The following PDE4D variants were observed in gnomAD, a reference collection of about 807,000 sequenced individuals.
PDE4D encodes the protein phosphodiesterase 4D.
PDE4D carries 24 observed loss-of-function variants against 87.4 expected under a neutral mutation model. That is an observed-to-expected ratio of 0.27 (90% CI 0.20 to 0.39). The LOEUF (loss-of-function observed/expected upper bound fraction) is 0.39, where lower values mean the gene tolerates loss of function less well. PDE4D is among the 10% of genes least tolerant of loss of function. The pLI, the probability that PDE4D is intolerant of heterozygous loss-of-function variation, is 1.00. For missense variants in PDE4D, 714 were observed against 1,041.0 expected (o/e 0.69, Z 4.32); for synonymous variants, 384 against 383.2 (o/e 1.00, Z -0.02).
intron 1 of PDE4D, among the ~76,000 whole-genome samples, chr5:59,555,068 A>G (rs1360659427): frequency 2.0e-5 from 3 of 152,208 alleles, no homozygotes; most frequent in Non-Finnish European, 4.4e-5. Flanking sequence ...TCGTTGTAGC[A>G]CTATTCACCA....
At chr5:59,879,716 A>G (rs1487038857) in intron 1 of PDE4D, among the ~76,000 whole-genome samples, 1 of 152,160 alleles carries the variant, frequency 6.6e-6, no homozygotes, top group Non-Finnish European at 1.5e-5. Context: ...GAGGGCCAAC[A>G]CTGCTATATG....
Position 60,507,148 on chromosome 5 carries a change from C to T in PDE4D, n.70+14903G>A, listed in dbSNP as rs112121006. ...AGGCTGGAGTGCAGTGGCACAATCT[C>T]GGCTCAACCTCTGCCTCCCATGTTG... On this transcript the variant is annotated intron_variant and non_coding_transcript_variant, in intron 1 of 2. Transcript: ENST00000506510. Among the ~76,000 whole-genome samples, 1,251 of 152,058 alleles carry T rather than the reference C, an allele frequency of 8.2e-3. 22 individuals carry two copies. The highest frequency in any genetic ancestry group is 0.029 in the African/African-American group (1,195 of 41,468).
intron 1 of PDE4D, among the ~76,000 whole-genome samples, chr5:59,666,477 TGATA>T (rs1032183610): frequency 2.0e-5 from 3 of 152,228 alleles, no homozygotes; most frequent in Admixed American, 2.0e-4. Context: ...ATATAGTTCT[TGATA>T]ATTTATTAAA....
chr5:59,553,558 C>G (rs1190945730), intron 1 of PDE4D, among the ~76,000 whole-genome samples: 1 of 152,170 alleles, frequency 6.6e-6, no homozygotes, highest in South Asian at 2.1e-4. Flanking sequence ...AACAGAGACA[C>G]TCCTCAACTT....
chr5:59,221,536 G>C (rs575559273), intron 1 of PDE4D, among the ~76,000 whole-genome samples: 1 of 152,220 alleles, frequency 6.6e-6, no homozygotes, highest in East Asian at 1.9e-4. Context: ...AGAGGTGGAG[G>C]CAGGAGGATC....
At chr5:59,420,930 T>C (rs924103597) in intron 1 of PDE4D, among the ~76,000 whole-genome samples, 1 of 152,140 alleles carries the variant, frequency 6.6e-6, no homozygotes, top group Non-Finnish European at 1.5e-5. Flanking sequence ...TGTTTACCTA[T>C]CATAAGGGTG....
At chr5:60,318,798 T>C (rs1238482851) in intron 1 of PDE4D, among the ~76,000 whole-genome samples, 1 of 152,166 alleles carries the variant, frequency 6.6e-6, no homozygotes, top group Non-Finnish European at 1.5e-5. Context: ...TCTTTAAGAA[T>C]GTTGAATATT....
At chr5:59,329,256 C>A (rs957498489) in intron 1 of PDE4D, among the ~76,000 whole-genome samples, 1 of 152,162 alleles carries the variant, frequency 6.6e-6, no homozygotes, top group African/African-American at 2.4e-5. Context: ...AATTTGCCAA[C>A]TGTTACATCA....
intron 1 of PDE4D, among the ~76,000 whole-genome samples, chr5:60,302,483 T>C (rs893574638): frequency 1.3e-5 from 2 of 152,228 alleles, no homozygotes; most frequent in Admixed American, 6.5e-5. Context: ...TCTCTGATGG[T>C]TATTTGAATT....
chr5:59,511,458 T>C (rs1453835762), intron 1 of PDE4D, among the ~76,000 whole-genome samples: 2 of 151,974 alleles, frequency 1.3e-5, no homozygotes, highest in Non-Finnish European at 2.9e-5. Context: ...GGTAGAATCA[T>C]GGCTTAAGTA....
At chr5:59,551,570 C>T (rs946189657) in intron 1 of PDE4D, among the ~76,000 whole-genome samples, 7 of 151,506 alleles carry the variant, frequency 4.6e-5, no homozygotes, top group Admixed American at 2.6e-4. Flanking sequence ...TTTGAGCCAC[C>T]GTCCTAATTC....
At chr5:59,872,881 A>G (rs1043385150) in intron 1 of PDE4D, among the ~76,000 whole-genome samples, 2 of 152,202 alleles carry the variant, frequency 1.3e-5, no homozygotes, top group African/African-American at 4.8e-5. Context: ...GGTACGCTCA[A>G]TGAAAATGGA....
At chr5:60,033,527 A>T (rs1387387170) in intron 2 of PDE4D, among the ~76,000 whole-genome samples, 1 of 152,192 alleles carries the variant, frequency 6.6e-6, no homozygotes, top group Non-Finnish European at 1.5e-5. Context: ...ACAACAAAAA[A>T]AGAGTGAGTG....
At chr5:60,023,499 C>A (rs1261252275) in intron 2 of PDE4D, among the ~76,000 whole-genome samples, 1 of 152,120 alleles carries the variant, frequency 6.6e-6, no homozygotes, top group Non-Finnish European at 1.5e-5. Context: ...GTCTTCATTT[C>A]CCCACTAACA....
intron 1 of PDE4D, among the ~76,000 whole-genome samples, chr5:59,519,693 G>A (rs757908719): frequency 6.6e-6 from 1 of 152,234 alleles, no homozygotes; most frequent in Non-Finnish European, 1.5e-5. Flanking sequence ...GGATGGCTTT[G>A]AGCAGAGAGC....
intron 1 of PDE4D, among the ~76,000 whole-genome samples, chr5:59,278,458 T>C (rs1475622344): frequency 6.6e-6 from 1 of 152,116 alleles, no homozygotes; most frequent in African/African-American, 2.4e-5. Flanking sequence ...TATGGACCTT[T>C]TACTTTCTGG....
intron 6 of PDE4D, among the ~76,000 whole-genome samples, chr5:59,011,211 A>G (rs1244876703): frequency 6.6e-6 from 1 of 152,180 alleles, no homozygotes; most frequent in East Asian, 1.9e-4. Flanking sequence ...AGAAAAGCTG[A>G]AAGTTCTAAA....
In PDE4D at chr5:59,286,129, C is replaced by T. The variant is rs113686082; in HGVS notation, c.456-70161G>A. On this transcript the variant is annotated intron_variant, in intron 1 of 14. Transcript: ENST00000340635. ...GACCGAAGGGCACTAAGTGCTTCCC[C>T]TACAAGTTCAGTGGATGAACCAGGT... Among the ~76,000 whole-genome samples the T allele has an allele frequency of 1.3e-3, 199 of 152,286 alleles. 1 individual carries two copies. The highest frequency in any genetic ancestry group is 4.6e-3 in the African/African-American group (191 of 41,566).
intron 1 of PDE4D, among the ~76,000 whole-genome samples, chr5:59,244,404 A>C (rs1165283909): frequency 6.6e-6 from 1 of 150,866 alleles, no homozygotes; most frequent in East Asian, 1.9e-4. Context: ...TCAAAAAATA[A>C]TAAATAAAAA....
Sources: allele counts gnomAD v4.1 joint callset (sites outside exome capture counted in the v4.1 genomes callset), GRCh38; gene constraint gnomAD v4.1.1; transcripts MANE v1.5; gene names NCBI Gene and HGNC (gene_info 2026-07-23, HGNC 2026-07-21).